MYO7A: variants seen among roughly 807,000 people sequenced by gnomAD.
The protein encoded by MYO7A is myosin VIIA.
In MYO7A, 210 loss-of-function variants were observed where a neutral mutation model predicts 263.8. That is an observed-to-expected ratio of 0.80 (90% CI 0.71 to 0.89). MYO7A has a LOEUF of 0.89. Among genes scored for constraint, MYO7A ranks in the 40% least tolerant of loss-of-function variants. The pLI is 0.00. For synonymous variants in MYO7A, 1,239 were observed against 1,197.3 expected, an observed-to-expected ratio of 1.03 and a Z score of -0.72; for missense variants, 2,820 against 2,968.3, an observed-to-expected ratio of 0.95 and a Z score of 1.16.
chr11:77,211,938 G>C lies in MYO7A; in HGVS notation c.6354+1G>C, dbSNP rs750905566. The C allele has an allele frequency of 6.2e-7, 1 of 1,609,380 alleles. No homozygotes were observed. The highest frequency in any genetic ancestry group is 8.5e-7 in the Non-Finnish European group (1 of 1,175,770). ...TGGCTCAGCCTTCTTCGAGGTGAAG[G>C]TACACCATGGGCTTCTCAGAGCAGA... On this transcript the variant is annotated splice_donor_variant, in intron 46 of 48. Coordinates refer to ENST00000409709, the MANE Select transcript of MYO7A (RefSeq NM_000260.4). LOFTEE classifies it high-confidence loss of function.
chr11:77,197,415 A>G, intron 32 of MYO7A, 66 bp from the exon 33 acceptor site: 3 of 1,270,804 alleles, frequency 2.4e-6, no homozygotes, highest in Non-Finnish European at 3.3e-6. Context: ...AGGCAGCAGC[A>G]GCTGATTTTT....
Position 77,192,064 on chromosome 11 carries a change from G to C in MYO7A, c.3938G>C (p.Gly1313Ala). Reference sequence around the variant, plus strand: ...CTGTGCCCACAGGTGTCCTCCCTGGGCAGCGGCAGTGACCACGTCATGGAC... The same window carrying C: ...CTGTGCCCACAGGTGTCCTCCCTGGCCAGCGGCAGTGACCACGTCATGGAC... ...IALFDKVSSL[G>A]SGSDHVMDAI... Residue 1313 changes from glycine (G) to alanine (A), a missense_variant, in exon 31 of 49, where the codon GGC (glycine) becomes GCC (alanine). By Grantham distance (60) the Gly-to-Ala change is moderately conservative. Coordinates refer to ENST00000409709, the MANE Select transcript of MYO7A (RefSeq NM_000260.4). 2 of 1,613,296 alleles carry C rather than the reference G, an allele frequency of 1.2e-6. No homozygotes were observed. Among genetic ancestry groups the C allele is most frequent in the Non-Finnish European group, 8.5e-7 (1 of 1,179,854 alleles).
intron 36 of MYO7A, 145 bp downstream of exon 36, chr11:77,201,783 G>GGTTTGA: frequency 1.0e-6 from 1 of 1,000,528 alleles, no homozygotes; most frequent in Non-Finnish European, 1.4e-6. Context: ...TTAAAGTTGG[G>GGTTTGA]GCAGTGCTCA....
chr11:77,142,404 G>A, intron 2 of MYO7A: 2 of 447,236 alleles, frequency 4.5e-6, no homozygotes, highest in Non-Finnish European at 8.8e-6. Context: ...TCATACACAT[G>A]TAGGGTGTAG....
At chr11:77,175,494 C>T in intron 18 of MYO7A, 30 bp downstream of exon 18, 1 of 1,601,290 alleles carries the variant, frequency 6.2e-7, no homozygotes, top group Non-Finnish European at 8.5e-7. Flanking sequence ...CTGGGCTGCC[C>T]TGGGGGGGCT....
intron 35 of MYO7A, among the ~76,000 whole-genome samples, chr11:77,200,113 TTAAA>T (rs1281803200): frequency 2.0e-5 from 3 of 151,612 alleles, no homozygotes; most frequent in African/African-American, 7.3e-5. Flanking sequence ...CTACAAAAGG[TTAAA>T]TAAATTAGCT....
At chr11:77,150,352 A>T (rs1951877468) in intron 4 of MYO7A, among the ~76,000 whole-genome samples, 1 of 152,140 alleles carries the variant, frequency 6.6e-6, no homozygotes, top group South Asian at 2.1e-4. Flanking sequence ...CAAAAACAGG[A>T]TTCATAAGGG....
At chr11:77,162,453 CA>C in intron 13 of MYO7A, 123 bp downstream of exon 13, 1 of 975,270 alleles carries the variant, frequency 1.0e-6, no homozygotes, top group African/African-American at 1.6e-5. Context: ...CAAGTTGGCT[CA>C]GGGGCCAATT....
At position 77,204,199 on chromosome 11, in the gene MYO7A, T is replaced by A; in HGVS notation, c.5450T>A (p.Ile1817Asn). ...EPLKDEAYVQ[I>N]LKQLTDNHIR... ...CTGAAGGACGAGGCATATGTGCAGATCCTGAAGCAGCTGACCGACAACCAC... is the reference window on the plus strand; with the variant it reads ...CTGAAGGACGAGGCATATGTGCAGAACCTGAAGCAGCTGACCGACAACCAC... The change falls in exon 39 of 49, where the codon ATC (isoleucine) becomes AAC (asparagine). Residue 1817 changes from isoleucine to asparagine, a missense_variant. Coordinates refer to ENST00000409709, the MANE Select transcript of MYO7A (RefSeq NM_000260.4). 8 of 1,581,700 alleles carry A rather than the reference T, an allele frequency of 5.1e-6. No individual in the cohort carries two copies. Among genetic ancestry groups the A allele is most frequent in the Non-Finnish European group, 6.9e-6 (8 of 1,164,216 alleles).
intron 48 of MYO7A, 34 bp downstream of exon 48, chr11:77,214,013 C>T: frequency 6.2e-7 from 1 of 1,612,656 alleles, no homozygotes. Context: ...TAGTGGGCTC[C>T]CTGCCTTGCC....
intron 41 of MYO7A, 178 bp from the exon 42 acceptor site, chr11:77,207,111 G>A (rs976372990): frequency 3.7e-6 from 2 of 538,076 alleles, no homozygotes; most frequent in Non-Finnish European, 6.6e-6. Flanking sequence ...GGAGACCTGG[G>A]AAGACCCAGA....
In MYO7A at chr11:77,198,519, T is replaced by C. The variant is rs373090032; in HGVS notation, c.4466T>C (p.Val1489Ala). The stretch of plus-strand genomic sequence containing the variant: ...GGCCCCAGTCTCCCCAAGAACGACG[T>C]CATCGTGGCCGTCAACTGGACGGGT... The part of the protein sequence containing the change: ...FSGPSLPKND[V>A]IVAVNWTGVY... The change falls in exon 34 of 49, where the codon GTC (valine) becomes GCC (alanine). Residue 1489 changes from valine (V) to alanine (A), a missense_variant. By Grantham distance (64) the Val-to-Ala change is moderately conservative. Transcript: ENST00000409709. 1 of 1,613,838 alleles carries C rather than the reference T, an allele frequency of 6.2e-7. No individual in the cohort carries two copies. The highest frequency in any genetic ancestry group is 8.5e-7 in the Non-Finnish European group (1 of 1,179,872).
chr11:77,178,819 T>C (rs1469860143), intron 19 of MYO7A, among the ~76,000 whole-genome samples: 1 of 152,252 alleles, frequency 6.6e-6, no homozygotes, highest in Non-Finnish European at 1.5e-5. Context: ...TTTGAATGTC[T>C]ACCTTCATGG....
In MYO7A at chr11:77,147,834, A is replaced by G. The variant is rs1951686109; in HGVS notation, c.169A>G (p.Lys57Glu). ...CTCTCCGCAGAACGCAACGCACATC[A>G]AGCCTATGCACCCCACGTCGGTCCA... is the stretch of plus-strand genomic sequence containing the variant. ...WISPQNATHI[K>E]PMHPTSVHGV... is the part of the protein sequence containing the mutation. Residue 57 changes from lysine (K) to glutamate (E), a missense_variant, in exon 4 of 49, where the codon AAG (lysine) becomes GAG (glutamate). Coordinates refer to ENST00000409709, the MANE Select transcript of MYO7A (RefSeq NM_000260.4). 1 of 1,610,386 alleles carries G rather than the reference A, an allele frequency of 6.2e-7. No homozygotes were observed. The highest frequency in any genetic ancestry group is 1.7e-5 in the Admixed American group (1 of 59,704).
In MYO7A at chr11:77,208,595, C is replaced by T. The variant is rs914859788; in HGVS notation, c.5944+78C>T. ...GCTCGGGGCTGTGCCGTGAGGCCCA[C>T]CTAGGCGGGCCTGAGTGAGGGCCTC... On this transcript the variant is annotated intron_variant, in intron 43 of 48. Transcript: ENST00000409709. 5.9e-6 allele frequency: 9 copies of T among 1,516,870 alleles called. No individual in the cohort carries two copies. The African/African-American group carries it at 1.2e-4, about 21-fold the overall frequency. The allele number at this position is 1,516,870 out of a possible 1,614,324, so 94.0% of individuals were successfully genotyped here. A position where few individuals can be genotyped will look rare whatever the true frequency, so the allele number is the denominator to read the frequency against.
intron 2 of MYO7A, among the ~76,000 whole-genome samples, chr11:77,134,812 T>C (rs1291508175): frequency 1.4e-5 from 2 of 145,336 alleles, no homozygotes; most frequent in African/African-American, 5.1e-5. Flanking sequence ...AGACAGAGTC[T>C]CACTCTGTCA....
intron 2 of MYO7A, among the ~76,000 whole-genome samples, chr11:77,140,402 T>C (rs1555049915): frequency 6.6e-6 from 1 of 152,238 alleles, no homozygotes; most frequent in African/African-American, 2.4e-5. Context: ...TTGTCAGACC[T>C]GGGCTTCAGT....
At chr11:77,151,197 G>C (rs1951933590) in intron 4 of MYO7A, among the ~76,000 whole-genome samples, 1 of 152,230 alleles carries the variant, frequency 6.6e-6, no homozygotes, top group Admixed American at 6.5e-5. Context: ...TAGAGAGCAA[G>C]GACTGTCCCC....
chr11:77,205,028 G>T (rs569727288), intron 39 of MYO7A, among the ~76,000 whole-genome samples: 120 of 152,310 alleles, frequency 7.9e-4, no homozygotes, highest in African/African-American at 2.7e-3. Flanking sequence ...CCTGGGGTGG[G>T]ACTGGTCTAA....
Sources: gnomAD v4.1 joint callset for allele counts (sites outside exome capture counted in the v4.1 genomes callset) on GRCh38, gnomAD v4.1.1 for gene constraint, MANE v1.5 for transcripts, NCBI Gene and HGNC (gene_info 2026-07-23, HGNC 2026-07-21) for gene names.